The following THSD7A variants were observed in gnomAD, a reference collection of about 807,000 sequenced individuals.
THSD7A encodes the protein thrombospondin type 1 domain containing 7A, also known as thrombospondin type-1 domain-containing protein 7A.
Under a neutral mutation model 231.3 loss-of-function variants are expected in THSD7A, and 96 were observed. The ratio of observed to expected loss-of-function variants is 0.41; its 90% CI spans 0.35 to 0.49. THSD7A has a LOEUF of 0.49. Among genes scored for constraint, THSD7A ranks in the 20% least tolerant of loss-of-function variants. The pLI is 0.05. For synonymous variants in THSD7A, 940 were observed against 743.3 expected (o/e 1.26, Z -4.30); for missense variants, 2,290 against 2,070.2 (o/e 1.11, Z -2.06).
chr7:11,418,798 T>C (rs1377714701), intron 16 of THSD7A, among the ~76,000 whole-genome samples: 1 of 152,018 alleles, frequency 6.6e-6, no homozygotes, highest in African/African-American at 2.4e-5. Context: ...CTGAAAAAAA[T>C]ACCCAAACAA....
At chr7:11,647,128 C>T (rs953247320) in intron 1 of THSD7A, among the ~76,000 whole-genome samples, 19 of 152,104 alleles carry the variant, frequency 1.2e-4, no homozygotes, top group Non-Finnish European at 2.4e-4. Context: ...TATAATTTAT[C>T]CCTTGCACCA....
At chr7:11,741,357 A>T (rs1286757404) in intron 1 of THSD7A, among the ~76,000 whole-genome samples, 2 of 151,952 alleles carry the variant, frequency 1.3e-5, no homozygotes. Flanking sequence ...GATTCATGCC[A>T]TGCCAAATTC....
chr7:11,769,153 ATTT>A lies in THSD7A; in HGVS notation c.190+62601_190+62603del, dbSNP rs1227041855. On this transcript the variant is annotated intron_variant, in intron 1 of 27. Transcript: ENST00000423059. ...TATATATATATATATATATATATATATTTTTTTTTTTTTTTGGTATTTTTGTAG... is the reference window on the plus strand; with the variant it reads ...TATATATATATATATATATATATATATTTTTTTTTTTTGGTATTTTTGTAG... Among the ~76,000 whole-genome samples, 8 of 27,648 alleles carry A rather than the reference ATTT, an allele frequency of 2.9e-4. 1 individual carries two copies. The highest frequency in any genetic ancestry group is 2.2e-3 in the East Asian group (3 of 1,344). The allele number at this position is 27,648 out of a possible 152,430, so 18.1% of individuals were successfully genotyped here.
intron 6 of THSD7A, among the ~76,000 whole-genome samples, chr7:11,526,231 C>T (rs1788468406): frequency 6.6e-6 from 1 of 152,150 alleles, no homozygotes; most frequent in African/African-American, 2.4e-5. Flanking sequence ...GTAACATGCC[C>T]AACTATTTGC....
chr7:11,432,512 C>T (rs1275624868), intron 13 of THSD7A, among the ~76,000 whole-genome samples: 2 of 152,104 alleles, frequency 1.3e-5, no homozygotes, highest in African/African-American at 4.8e-5. Context: ...CCTGACTACT[C>T]ACTGTGTAGA....
rs984414852 is a variant in THSD7A, at chr7:11,374,992, C to T, written c.*802G>A. The T allele has an allele frequency of 2.6e-5, 4 of 151,982 alleles. No homozygotes were observed. Among genetic ancestry groups the T allele is most frequent in the Admixed American group, 2.6e-4 (4 of 15,204 alleles). 9.4% of individuals were successfully genotyped at this position (151,982 alleles called of 1,614,324 possible). On this transcript the variant is annotated 3_prime_UTR_variant, in exon 28 of 28. Transcript: ENST00000423059. ...CCTATCGTGCTGCACTAATATAGTG[C>T]AAAAATGTGCCTTCCATATAGCAAA...
intron 1 of THSD7A, among the ~76,000 whole-genome samples, chr7:11,825,027 AT>A (rs1238915070): frequency 2.0e-5 from 3 of 151,914 alleles, no homozygotes; most frequent in African/African-American, 4.8e-5. Context: ...CTAATAAAAA[AT>A]ATGTCTATAA....
intron 13 of THSD7A, among the ~76,000 whole-genome samples, chr7:11,440,737 A>G (rs1395858049): frequency 6.6e-6 from 1 of 152,090 alleles, no homozygotes; most frequent in Non-Finnish European, 1.5e-5. Flanking sequence ...ATTGCTTCTC[A>G]TGGGTGAGCA....
chr7:11,753,994 A>C (rs910570288), intron 1 of THSD7A, among the ~76,000 whole-genome samples: 5 of 152,032 alleles, frequency 3.3e-5, no homozygotes, highest in Admixed American at 2.0e-4. Flanking sequence ...TAATTTCCAG[A>C]ACGGCCACTT....
chr7:11,808,661 T>C (rs1440258301), intron 1 of THSD7A, among the ~76,000 whole-genome samples: 5 of 152,202 alleles, frequency 3.3e-5, no homozygotes, highest in African/African-American at 9.6e-5. Flanking sequence ...AAAACTGTTA[T>C]GCCCGGTTTG....
At chr7:11,491,587 TAATG>T (rs1786896203) in intron 6 of THSD7A, among the ~76,000 whole-genome samples, 1 of 151,796 alleles carries the variant, frequency 6.6e-6, no homozygotes, top group African/African-American at 2.4e-5. Flanking sequence ...TTACAGTACT[TAATG>T]AGAGGAATTA....
chr7:11,450,605 A>T (rs1785112260), intron 11 of THSD7A, among the ~76,000 whole-genome samples: 1 of 152,070 alleles, frequency 6.6e-6, no homozygotes, highest in South Asian at 2.1e-4. Context: ...AAAGGAAACC[A>T]TCTGGTCTCT....
rs374395452 is a variant in THSD7A at position 11,724,479 on chromosome 7, A to G, written c.191-87518T>C. The stretch of plus-strand genomic sequence containing the variant: ...CTTATAATCAGTCATACAGAATGTT[A>G]CTGTGGATCAAGACCTAGGCAAAAA... On this transcript the variant is annotated intron_variant, in intron 1 of 27. Coordinates refer to ENST00000423059, the MANE Select transcript of THSD7A (RefSeq NM_015204.3). Among the ~76,000 whole-genome samples the G allele has an allele frequency of 5.9e-5, 9 of 152,038 alleles. No homozygotes were observed. In the East Asian group the frequency reaches 9.8e-4, roughly 17 times the overall value.
chr7:11,411,323 C>A lies in THSD7A; in HGVS notation c.3683-1G>T. The A allele has an allele frequency of 1.2e-6, 2 of 1,605,104 alleles. No homozygotes were observed. The highest frequency in any genetic ancestry group is 1.7e-6 in the Non-Finnish European group (2 of 1,175,520). ...TCACTCAGCTGACATGTACTCCAGT[C>A]TGAAAAAAAGGGAAGCCCATCAGAA... On this transcript the variant is annotated splice_acceptor_variant, in intron 18 of 27. Transcript: ENST00000423059. LOFTEE classifies it high-confidence loss of function. The surrounding 1 kb of genome is among the most constrained non-coding windows in gnomAD (Gnocchi z 4.1).
At chr7:11,394,897 A>T (rs1783122955) in intron 23 of THSD7A, among the ~76,000 whole-genome samples, 1 of 152,248 alleles carries the variant, frequency 6.6e-6, no homozygotes, top group South Asian at 2.1e-4. Flanking sequence ...CACTATGAAG[A>T]AACTGCATCA....
chr7:11,681,891 T>A (rs896267901), intron 1 of THSD7A, among the ~76,000 whole-genome samples: 1 of 150,958 alleles, frequency 6.6e-6, no homozygotes, highest in African/African-American at 2.4e-5. Flanking sequence ...GGGCATCACA[T>A]CAGAACAACA....
At position 11,412,691 on chromosome 7, in the gene THSD7A, T is replaced by A. The variant is rs1245638882; in HGVS notation, c.3647A>T (p.Asn1216Ile). Residue 1216 changes from asparagine (N) to isoleucine (I), a missense_variant, in exon 18 of 28, where the codon AAC becomes ATC. By Grantham distance (149) the Asn-to-Ile change is moderately radical. Coordinates refer to ENST00000423059, the MANE Select transcript of THSD7A (RefSeq NM_015204.3). Reference protein sequence around the residue: ...NAVEKEPCNLNKNCYHYDYNV... With the variant: ...NAVEKEPCNLIKNCYHYDYNV... ...ATAATCATAGTGGTAGCAGTTTTTGTTCAGGTTACAGGGTTCTTTCTCAAC... is the reference window on the plus strand; with the variant it reads ...ATAATCATAGTGGTAGCAGTTTTTGATCAGGTTACAGGGTTCTTTCTCAAC... 4.3e-6 allele frequency: 7 copies of A among 1,613,702 alleles called. No individual in the cohort carries two copies. Among genetic ancestry groups the A allele is most frequent in the Non-Finnish European group, 5.1e-6 (6 of 1,179,818 alleles).
At chr7:11,475,439 C>A (rs1240471001) in intron 7 of THSD7A, among the ~76,000 whole-genome samples, 1 of 151,782 alleles carries the variant, frequency 6.6e-6, no homozygotes. Context: ...GTGAAGCCTG[C>A]GTAAGTCCTG....
intron 6 of THSD7A, among the ~76,000 whole-genome samples, chr7:11,506,485 A>T (rs1004122401): frequency 2.0e-5 from 3 of 152,256 alleles, no homozygotes; most frequent in African/African-American, 7.2e-5. Flanking sequence ...CTCTCACAGT[A>T]TGTTCTCCAC....
Sources: allele counts gnomAD v4.1 joint callset (sites outside exome capture counted in the v4.1 genomes callset), GRCh38; gene constraint gnomAD v4.1.1; non-coding constraint Gnocchi (gnomAD v3.1); transcripts MANE v1.5; gene names NCBI Gene and HGNC (gene_info 2026-07-23, HGNC 2026-07-21).